GPATCH11: variants seen among roughly 807,000 people sequenced by gnomAD.
GPATCH11 encodes the protein G patch domain-containing protein 11.
Under a neutral mutation model 44.8 loss-of-function variants are expected in GPATCH11, and 32 were observed. The ratio of observed to expected loss-of-function variants is 0.71; its 90% CI spans 0.54 to 0.96. GPATCH11 has a LOEUF of 0.96. Ranked by LOEUF, GPATCH11 falls within the 40% of genes least tolerant of loss-of-function variation. The probability of loss-of-function intolerance (pLI) is 0.00; values close to 1 mark genes in which losing one functional copy is unlikely to be tolerated. For synonymous variants in GPATCH11, 84 were observed against 94.4 expected (o/e 0.89, Z 0.64); for missense variants, 324 against 303.1 (o/e 1.07, Z -0.51).
At position 37,094,183 on chromosome 2, in the gene GPATCH11, T is replaced by G. The variant is rs142659059; in HGVS notation, c.642T>G (p.Ser214Arg). The part of the protein sequence containing the change: ...EKEQDEDEYK[S>R]EDLSVLEKLQ... Reference sequence around the variant, plus strand: ...AACAGGATGAAGATGAATATAAGAGTGAAGATTTAAGCGTATGCTTTGCAC... The same window carrying G: ...AACAGGATGAAGATGAATATAAGAGGGAAGATTTAAGCGTATGCTTTGCAC... Residue 214 changes from serine (S) to arginine (R), a missense_variant, in exon 7 of 9, where the codon AGT becomes AGG. Physicochemically the swap from Ser to Arg is moderately radical, Grantham distance 110 (BLOSUM62 -1). Transcript: ENST00000674370. 2 of 1,548,696 alleles carry G rather than the reference T, an allele frequency of 1.3e-6. No homozygotes were observed. The highest frequency in any genetic ancestry group is 2.7e-5 in the African/African-American group (2 of 73,306).
intron 2 of GPATCH11, 78 bp from the exon 3 acceptor site, chr2:37,089,562 C>T (rs764439111): frequency 4.5e-4 from 496 of 1,103,512 alleles, no homozygotes; most frequent in Non-Finnish European, 6.0e-4. Flanking sequence ...AGCGAAACTC[C>T]GTCTCAAAAA....
chr2:37,084,529 G>C lies in GPATCH11; in HGVS notation c.-55G>C. The C allele has an allele frequency of 1.6e-6, 2 of 1,232,512 alleles. No homozygotes were observed. Among genetic ancestry groups the C allele is most frequent in the East Asian group, 3.2e-5 (1 of 31,702 alleles). 76.3% of individuals were successfully genotyped at this position (1,232,512 alleles called of 1,614,324 possible). A position where few individuals can be genotyped will look rare whatever the true frequency, so the allele number is the denominator to read the frequency against. ...TGGTCGGTGGGCGCATGCGCAGCGC[G>C]CGCTCTACGGCGCTGAACCGGGGCG... On this transcript the variant is annotated 5_prime_UTR_variant, in exon 1 of 9. Transcript: ENST00000674370.
At chr2:37,085,454 G>C (rs1163844675) in intron 1 of GPATCH11, among the ~76,000 whole-genome samples, 1 of 152,226 alleles carries the variant, frequency 6.6e-6, no homozygotes, top group Non-Finnish European at 1.5e-5. Flanking sequence ...CTGAGGTTTA[G>C]AGGAAGCGGG....
At chr2:37,085,355 G>T (rs1558394719) in intron 1 of GPATCH11, among the ~76,000 whole-genome samples, 1 of 152,216 alleles carries the variant, frequency 6.6e-6, no homozygotes, top group Non-Finnish European at 1.5e-5. Context: ...AGAGTTGTTA[G>T]TGGTGGTTAA....
intron 2 of GPATCH11, among the ~76,000 whole-genome samples, chr2:37,089,422 C>T (rs2148638053): frequency 6.6e-6 from 1 of 152,098 alleles, no homozygotes; most frequent in Admixed American, 6.5e-5. Flanking sequence ...CAAAAAATAG[C>T]CGGGCATGGT....
chr2:37,095,478 A>G lies in GPATCH11; in HGVS notation c.696A>G (p.Glu232=), dbSNP rs539436430. 11 of 1,606,272 alleles carry G rather than the reference A, an allele frequency of 6.8e-6. No individual in the cohort carries two copies. Among genetic ancestry groups the G allele is most frequent in the South Asian group, 2.2e-5 (2 of 89,528 alleles). The change falls in exon 8 of 9, where the codon GAA becomes GAG. Residue 232 remains glutamate (E), a synonymous_variant. Coordinates refer to ENST00000674370, the MANE Select transcript of GPATCH11 (RefSeq NM_174931.4). ...KLQILTSYLR[E]EHLYCIWCGT... is the part of the protein sequence containing the mutation. ...AAATATTGACTAGTTATTTAAGAGA[A>G]GAACATCTATATTGTATTTGGTGTG...
At chr2:37,091,642 A>T (rs577403237) in intron 4 of GPATCH11, among the ~76,000 whole-genome samples, 1 of 152,346 alleles carries the variant, frequency 6.6e-6, no homozygotes, top group Admixed American at 6.5e-5. Context: ...TATTTTATTC[A>T]TATTTAAATA....
intron 1 of GPATCH11, among the ~76,000 whole-genome samples, chr2:37,087,137 A>G (rs975387532): frequency 3.3e-5 from 5 of 152,170 alleles, no homozygotes; most frequent in African/African-American, 9.7e-5. Context: ...CCATATATTC[A>G]TATAATGTAA....
chr2:37,084,521 C>T lies in GPATCH11; in HGVS notation c.-63C>T, dbSNP rs753037254. ...TCCGACGCTGGTCGGTGGGCGCATGCGCAGCGCGCGCTCTACGGCGCTGAA... is the reference window on the plus strand; with the variant it reads ...TCCGACGCTGGTCGGTGGGCGCATGTGCAGCGCGCGCTCTACGGCGCTGAA... On this transcript the variant is annotated 5_prime_UTR_variant, in exon 1 of 9. Coordinates refer to ENST00000674370, the MANE Select transcript of GPATCH11 (RefSeq NM_174931.4). 1.2e-5 allele frequency: 15 copies of T among 1,232,386 alleles called. No homozygotes were observed. Among genetic ancestry groups the T allele is most frequent in the Non-Finnish European group, 1.4e-5 (14 of 988,282 alleles). 76.3% of individuals were successfully genotyped at this position (1,232,386 alleles called of 1,614,324 possible).
At chr2:37,088,279 C>T in intron 1 of GPATCH11, 90 bp from the exon 2 acceptor site, 1 of 563,208 alleles carries the variant, frequency 1.8e-6, no homozygotes, top group South Asian at 2.8e-5. Context: ...TATAGTAGAG[C>T]TCTAGAGACA....
chr2:37,088,442 TA>T lies in GPATCH11; in HGVS notation c.59+4del. Reference sequence around the variant, plus strand: ...GTCTGATTCCTTCATTAATGTCCAGTAAGTAAATGTGCACACCCAGTGCAAT... The same window carrying T: ...GTCTGATTCCTTCATTAATGTCCAGTAGTAAATGTGCACACCCAGTGCAAT... On this transcript the variant is annotated splice_donor_region_variant and intron_variant, in intron 2 of 8. Transcript: ENST00000674370. 1 of 1,499,644 alleles carries T rather than the reference TA, an allele frequency of 6.7e-7. No individual in the cohort carries two copies. Among genetic ancestry groups the T allele is most frequent in the Non-Finnish European group, 9.2e-7 (1 of 1,082,134 alleles). The allele number at this position is 1,499,644 out of a possible 1,614,324, so 92.9% of individuals were successfully genotyped here. A position where few individuals can be genotyped will look rare whatever the true frequency, so the allele number is the denominator to read the frequency against.
intron 8 of GPATCH11, 68 bp downstream of exon 8, chr2:37,095,586 C>T: frequency 7.0e-7 from 1 of 1,422,954 alleles, no homozygotes; most frequent in Non-Finnish European, 9.2e-7. Context: ...AAAGTCATTT[C>T]CCACTGACAA....
intron 5 of GPATCH11, 37 bp downstream of exon 5, chr2:37,092,073 C>T: frequency 6.2e-7 from 1 of 1,609,916 alleles, no homozygotes; most frequent in Non-Finnish European, 8.5e-7. Context: ...GTTCTATTTC[C>T]TCTTTATTGT....
intron 2 of GPATCH11, 96 bp from the exon 3 acceptor site, chr2:37,089,544 G>T: frequency 3.3e-6 from 3 of 903,312 alleles, no homozygotes; most frequent in Non-Finnish European, 5.0e-6. Flanking sequence ...TACAGCCCGG[G>T]CAACAAGAGC....
At position 37,096,655 on chromosome 2, in the gene GPATCH11, C is replaced by A. The variant is rs1386078896; in HGVS notation, c.*392C>A. The A allele has an allele frequency of 5.6e-6, 1 of 178,588 alleles. No individual in the cohort carries two copies. Among genetic ancestry groups the A allele is most frequent in the East Asian group, 1.8e-4 (1 of 5,548 alleles). 11.1% of individuals were successfully genotyped at this position (178,588 alleles called of 1,614,324 possible). ...ATACAGAGAAGAAGGTTGACTTTTTCTCCAGTCAGAGACTGTAATATTTCT... is the reference window on the plus strand; with the variant it reads ...ATACAGAGAAGAAGGTTGACTTTTTATCCAGTCAGAGACTGTAATATTTCT... On this transcript the variant is annotated 3_prime_UTR_variant, in exon 9 of 9. Coordinates refer to ENST00000674370, the MANE Select transcript of GPATCH11 (RefSeq NM_174931.4).
At chr2:37,094,265 A>G (rs1192073175) in intron 7 of GPATCH11, 70 bp downstream of exon 7, 2 of 961,624 alleles carry the variant, frequency 2.1e-6, no homozygotes, top group African/African-American at 3.3e-5. Flanking sequence ...AGTTGTGGTA[A>G]TCCGTTGTTG....
intron 3 of GPATCH11, among the ~76,000 whole-genome samples, chr2:37,090,365 T>C (rs1673256659): frequency 6.6e-6 from 1 of 152,232 alleles, no homozygotes; most frequent in African/African-American, 2.4e-5. Context: ...ACCGTTTTTC[T>C]TTCCTTTATC....
At position 37,097,972 on chromosome 2, in the gene GPATCH11, A is replaced by G. The variant is rs1255045506; in HGVS notation, c.*1709A>G. 6.6e-6 allele frequency: 1 copy of G among 152,180 alleles called. No individual in the cohort carries two copies. Among genetic ancestry groups the G allele is most frequent in the Non-Finnish European group, 1.5e-5 (1 of 68,040 alleles). The allele number at this position is 152,180 out of a possible 1,614,324, so 9.4% of individuals were successfully genotyped here. A position where few individuals can be genotyped will look rare whatever the true frequency, so the allele number is the denominator to read the frequency against. ...TATGAATGTAAATATGTGTATATAT[A>G]TAATATTTATATGTTTGGATGCTAT... On this transcript the variant is annotated 3_prime_UTR_variant, in exon 9 of 9. Coordinates refer to ENST00000674370, the MANE Select transcript of GPATCH11 (RefSeq NM_174931.4).
rs962277189 is a variant in GPATCH11 at position 37,090,848 on chromosome 2, T to C, written c.328+126T>C. 1.4e-5 allele frequency: 8 copies of C among 559,176 alleles called. No homozygotes were observed. In the African/African-American group the frequency reaches 1.6e-4, roughly 11 times the overall value. 34.6% of individuals were successfully genotyped at this position (559,176 alleles called of 1,614,324 possible). ...CTGTTACAGTTCAGTAAAATTTTGT[T>C]AAATTTCTAAACCTCTTCAACCAGA... On this transcript the variant is annotated intron_variant, in intron 4 of 8. Coordinates refer to ENST00000674370, the MANE Select transcript of GPATCH11 (RefSeq NM_174931.4).
Sources: gnomAD v4.1 joint callset for allele counts (sites outside exome capture counted in the v4.1 genomes callset) on GRCh38, gnomAD v4.1.1 for gene constraint, MANE v1.5 for transcripts, NCBI Gene and HGNC (gene_info 2026-07-23, HGNC 2026-07-21) for gene names.